The following CHRNA4 variants were observed in gnomAD, a reference collection of about 807,000 sequenced individuals.
CHRNA4 encodes the protein cholinergic receptor nicotinic alpha 4 subunit.
Under a neutral mutation model 48.9 loss-of-function variants are expected in CHRNA4, and 28 were observed. The observed-to-expected ratio is 0.57, with a 90% confidence interval of 0.42 to 0.79. The LOEUF is 0.79. Among genes scored for constraint, CHRNA4 ranks in the 30% least tolerant of loss-of-function variants. The probability of loss-of-function intolerance (pLI) is 0.00; values close to 1 mark genes in which losing one functional copy is unlikely to be tolerated. For synonymous variants in CHRNA4, 425 were observed against 402.3 expected (o/e 1.06, Z -0.68); for missense variants, 859 against 898.4 (o/e 0.96, Z 0.56).
Position 63,346,364 on chromosome 20 carries a change from T to A in CHRNA4, c.*374A>T. 1 of 473,788 alleles carries A rather than the reference T, an allele frequency of 2.1e-6. No individual in the cohort carries two copies. Among genetic ancestry groups the A allele is most frequent in the East Asian group, 6.2e-5 (1 of 16,150 alleles). 29.3% of individuals were successfully genotyped at this position (473,788 alleles called of 1,614,324 possible). A position where few individuals can be genotyped will look rare whatever the true frequency, so the allele number is the denominator to read the frequency against. On this transcript the variant is annotated 3_prime_UTR_variant, in exon 6 of 6. Transcript: ENST00000370263. Reference sequence around the variant, plus strand: ...GGCGTGAACTCCCTTCAAGGGCCCCTTGGGGCGGTCGGGACCATCACCAGA... The same window carrying A: ...GGCGTGAACTCCCTTCAAGGGCCCCATGGGGCGGTCGGGACCATCACCAGA...
chr20:63,359,190 C>T (rs191501252), intron 2 of CHRNA4, among the ~76,000 whole-genome samples: 35 of 152,354 alleles, frequency 2.3e-4, no homozygotes, highest in Non-Finnish European at 3.8e-4. Flanking sequence ...GCCCCTGCCC[C>T]GGCCGGTTGT....
chr20:63,345,123 C>T lies in CHRNA4; in HGVS notation c.*1615G>A, dbSNP rs1177227169. 3 of 454,016 alleles carry T rather than the reference C, an allele frequency of 6.6e-6. No homozygotes were observed. Among genetic ancestry groups the T allele is most frequent in the East Asian group, 7.0e-5 (1 of 14,378 alleles). 28.1% of individuals were successfully genotyped at this position (454,016 alleles called of 1,614,324 possible). Reference sequence around the variant, plus strand: ...GACACAGCGGCATTTCTGGGGCACTCGGCATGCCGGGTTCCTAACCTCAAT... The same window carrying T: ...GACACAGCGGCATTTCTGGGGCACTTGGCATGCCGGGTTCCTAACCTCAAT... On this transcript the variant is annotated 3_prime_UTR_variant, in exon 6 of 6. Coordinates refer to ENST00000370263, the MANE Select transcript of CHRNA4 (RefSeq NM_000744.7). This position sits in a 1 kb window ranked among gnomAD's most constrained non-coding sequence, Gnocchi z 5.4.
rs369806756 is a variant in CHRNA4, at chr20:63,351,035, G to C, written c.384-8C>G. ...GCGAAGTCCCCGTCAGCACTGGGCA[G>C]GAAGAGAGCGAAGGGTGTGAGACCC... On this transcript the variant is annotated splice_polypyrimidine_tract_variant and splice_region_variant and intron_variant, in intron 4 of 5. Transcript: ENST00000370263. 1.9e-5 allele frequency: 30 copies of C among 1,610,442 alleles called. No individual in the cohort carries two copies. In the African/African-American group the frequency reaches 2.8e-4, roughly 15 times the overall value.
In CHRNA4 at chr20:63,343,784, G is replaced by A. The variant is rs200199034; in HGVS notation, c.*2954C>T. ...GCGCCCCGGCAGGCTTCGAGCTGCA[G>A]CAGTGTCTCCCGCTGCCTGGTGCCT... On this transcript the variant is annotated 3_prime_UTR_variant, in exon 6 of 6. Transcript: ENST00000370263. 6.6e-5 allele frequency: 30 copies of A among 454,072 alleles called. No individual in the cohort carries two copies. The highest frequency in any genetic ancestry group is 4.3e-4 in the South Asian group (28 of 64,480). 28.1% of individuals were successfully genotyped at this position (454,072 alleles called of 1,614,324 possible). A position where few individuals can be genotyped will look rare whatever the true frequency, so the allele number is the denominator to read the frequency against.
Position 63,350,828 on chromosome 20 carries a change from G to A in CHRNA4, c.583C>T (p.His195Tyr). Reference protein sequence around the residue: ...DKAKIDLVNMHSRVDQLDFWE... With the variant: ...DKAKIDLVNMYSRVDQLDFWE... ...AAGTCCAGCTGGTCCACGCGGCTGTGCATGTTCACCAGGTCGATCTTGGCC... is the reference window on the plus strand; with the variant it reads ...AAGTCCAGCTGGTCCACGCGGCTGTACATGTTCACCAGGTCGATCTTGGCC... The change falls in exon 5 of 6, where the codon CAC becomes TAC. Residue 195 changes from histidine (H) to tyrosine (Y), a missense_variant. Transcript: ENST00000370263. 1.2e-6 allele frequency: 2 copies of A among 1,614,020 alleles called. No individual in the cohort carries two copies. Among genetic ancestry groups the A allele is most frequent in the Non-Finnish European group, 8.5e-7 (1 of 1,180,032 alleles).
At chr20:63,357,027 C>T (rs1412876082) in intron 2 of CHRNA4, among the ~76,000 whole-genome samples, 1 of 55,058 alleles carries the variant, frequency 1.8e-5, no homozygotes, top group African/African-American at 5.2e-5. Flanking sequence ...CCCACAGAAC[C>T]ACGTCCCCAC....
chr20:63,346,116 C>A lies in CHRNA4; in HGVS notation c.*622G>T. Reference sequence around the variant, plus strand: ...ACTCTGTTCTCCAAGGCTCCTTAGGCACAAGACTTGAGTTCTCACTAACTT... The same window carrying A: ...ACTCTGTTCTCCAAGGCTCCTTAGGAACAAGACTTGAGTTCTCACTAACTT... On this transcript the variant is annotated 3_prime_UTR_variant, in exon 6 of 6. Coordinates refer to ENST00000370263, the MANE Select transcript of CHRNA4 (RefSeq NM_000744.7). The A allele has an allele frequency of 2.2e-6, 1 of 454,134 alleles. No individual in the cohort carries two copies. The highest frequency in any genetic ancestry group is 4.4e-6 in the Non-Finnish European group (1 of 226,786). 28.1% of individuals were successfully genotyped at this position (454,134 alleles called of 1,614,324 possible).
chr20:63,354,910 C>T (rs2068694991), intron 4 of CHRNA4, among the ~76,000 whole-genome samples: 1 of 152,154 alleles, frequency 6.6e-6, no homozygotes, highest in African/African-American at 2.4e-5. Context: ...CCAATGCACT[C>T]TGGAAAAGCG....
intron 1 of CHRNA4, among the ~76,000 whole-genome samples, chr20:63,360,657 C>T (rs1435325699): frequency 6.6e-6 from 1 of 152,202 alleles, no homozygotes; most frequent in African/African-American, 2.4e-5. Context: ...CCTTGTCCTT[C>T]CTGCAGAAAA....
At position 63,346,609 on chromosome 20, in the gene CHRNA4, A is replaced by C; in HGVS notation, c.*129T>G. The C allele has an allele frequency of 7.5e-7, 1 of 1,340,294 alleles. No homozygotes were observed. 83.0% of individuals were successfully genotyped at this position (1,340,294 alleles called of 1,614,324 possible). ...GGCCGTCTTACAGCAGACACAGAAC[A>C]GGAAGGAAAATTTGGCAAACGTGTG... On this transcript the variant is annotated 3_prime_UTR_variant, in exon 6 of 6. Transcript: ENST00000370263.
intron 5 of CHRNA4, among the ~76,000 whole-genome samples, chr20:63,347,548 G>A (rs1373594865): frequency 6.6e-6 from 1 of 152,240 alleles, no homozygotes; most frequent in Non-Finnish European, 1.5e-5. Flanking sequence ...ACCCCCAGGA[G>A]CAGAGGCCTA....
In CHRNA4 at chr20:63,343,355, G is replaced by A. The variant is rs1003575215; in HGVS notation, c.*3383C>T. 2 of 453,990 alleles carry A rather than the reference G, an allele frequency of 4.4e-6. 1 individual carries two copies. Among genetic ancestry groups the A allele is most frequent in the South Asian group, 3.1e-5 (2 of 64,476 alleles). 28.1% of individuals were successfully genotyped at this position (453,990 alleles called of 1,614,324 possible). On this transcript the variant is annotated 3_prime_UTR_variant, in exon 6 of 6. Coordinates refer to ENST00000370263, the MANE Select transcript of CHRNA4 (RefSeq NM_000744.7). ...CGGGCCACACGGTCGGCGGGGCTTG[G>A]TCCATGGGGCTGGCCGGGCTTGCAT... is the stretch of plus-strand genomic sequence containing the variant.
chr20:63,353,734 C>G (rs1338107406), intron 4 of CHRNA4, among the ~76,000 whole-genome samples: 21 of 17,958 alleles, frequency 1.2e-3, no homozygotes, highest in African/African-American at 3.5e-3. Flanking sequence ...GGCTGTGGTC[C>G]TAGGAGGCTG....
chr20:63,359,672 T>C lies in CHRNA4; in HGVS notation c.104A>G (p.His35Arg). 6.2e-7 allele frequency: 1 copy of C among 1,611,592 alleles called. No individual in the cohort carries two copies. Among genetic ancestry groups the C allele is most frequent in the Non-Finnish European group, 8.5e-7 (1 of 1,179,886 alleles). Reference sequence around the variant, plus strand: ...TTTCTTCAGGAGCCGCTCCTCGGCGTGGGCCCGGGTCTCCACATGGCTGCT... The same window carrying C: ...TTTCTTCAGGAGCCGCTCCTCGGCGCGGGCCCGGGTCTCCACATGGCTGCT... ...RASSHVETRA[H>R]AEERLLKKLF... The change falls in exon 2 of 6, where the codon CAC (histidine) becomes CGC (arginine). Residue 35 changes from histidine to arginine, a missense_variant. Coordinates refer to ENST00000370263, the MANE Select transcript of CHRNA4 (RefSeq NM_000744.7).
chr20:63,361,269 C>A lies in CHRNA4; in HGVS notation c.-104G>T. On this transcript the variant is annotated 5_prime_UTR_variant, in exon 1 of 6. Coordinates refer to ENST00000370263, the MANE Select transcript of CHRNA4 (RefSeq NM_000744.7). Reference sequence around the variant, plus strand: ...CATGCCTCCCGCGCCTCGCGGGCCGCTTCGGCCGCCGGGCCCGGTTCGTCT... The same window carrying A: ...CATGCCTCCCGCGCCTCGCGGGCCGATTCGGCCGCCGGGCCCGGTTCGTCT... 1 of 1,383,326 alleles carries A rather than the reference C, an allele frequency of 7.2e-7. No homozygotes were observed. Among genetic ancestry groups the A allele is most frequent in the East Asian group, 3.3e-5 (1 of 30,682 alleles). The allele number at this position is 1,383,326 out of a possible 1,614,324, so 85.7% of individuals were successfully genotyped here.
At chr20:63,348,174 A>T (rs2068525605) in intron 5 of CHRNA4, among the ~76,000 whole-genome samples, 1 of 152,226 alleles carries the variant, frequency 6.6e-6, no homozygotes, top group Non-Finnish European at 1.5e-5. Context: ...CAGCGGCAGC[A>T]ATCGGCCCGA....
rs370746710 is a variant in CHRNA4 at position 63,357,400 on chromosome 20, C to T, written c.229-985G>A. On this transcript the variant is annotated intron_variant, in intron 2 of 5. Coordinates refer to ENST00000370263, the MANE Select transcript of CHRNA4 (RefSeq NM_000744.7). ...CCCTCCTGCCCAGTGTCGTGCCCTA[C>T]CCCCTTGCAGCCGTCATTCTCAGTC... 2.9e-4 allele frequency among the ~76,000 whole-genome samples: 44 copies of T among 152,346 alleles called. No individual in the cohort carries two copies. In the South Asian group the frequency reaches 6.8e-3, roughly 24 times the overall value.
At chr20:63,355,769 G>C in intron 4 of CHRNA4, 3 of 833,812 alleles carry the variant, frequency 3.6e-6, no homozygotes, top group Non-Finnish European at 3.7e-6. Context: ...TGGCCTGGGG[G>C]GACCCTTCCC....
At chr20:63,360,922 G>C in intron 1 of CHRNA4, 168 bp downstream of exon 1, 1 of 515,738 alleles carries the variant, frequency 1.9e-6, no homozygotes, top group Non-Finnish European at 3.2e-6. Flanking sequence ...GCTCAGCCCG[G>C]GTGCGAGCGC....
Sources: allele counts gnomAD v4.1 joint callset (sites outside exome capture counted in the v4.1 genomes callset), GRCh38; gene constraint gnomAD v4.1.1; non-coding constraint Gnocchi (gnomAD v3.1); transcripts MANE v1.5; gene names NCBI Gene and HGNC (gene_info 2026-07-23, HGNC 2026-07-21).